Variants in BMP6 observed in about 807,000 individuals in gnomAD.
BMP6 encodes the protein VG-1-R.
Under a neutral mutation model 54.1 loss-of-function variants are expected in BMP6, and 17 were observed. The ratio of observed to expected loss-of-function variants is 0.31; its 90% CI spans 0.22 to 0.47. BMP6 has a LOEUF of 0.47. BMP6 is among the 20% of genes least tolerant of loss of function. BMP6 has a pLI of 1.00. For synonymous variants in BMP6, 328 were observed against 291.2 expected (o/e 1.13, Z -1.28); for missense variants, 720 against 690.4 (o/e 1.04, Z -0.48).
intron 1 of BMP6, among the ~76,000 whole-genome samples, chr6:7,748,828 T>C (rs1470419312): frequency 1.3e-5 from 2 of 152,254 alleles, no homozygotes; most frequent in African/African-American, 2.4e-5. Flanking sequence ...AGTCCTCTAA[T>C]GCTCTTGCAT....
chr6:7,827,938 G>A (rs1758725941), intron 1 of BMP6, among the ~76,000 whole-genome samples: 1 of 152,206 alleles, frequency 6.6e-6, no homozygotes, highest in Admixed American at 6.5e-5. Flanking sequence ...ACAGCGTTCA[G>A]GTAGGGATTA....
At chr6:7,831,729 C>T (rs1758796524) in intron 1 of BMP6, among the ~76,000 whole-genome samples, 2 of 152,222 alleles carry the variant, frequency 1.3e-5, no homozygotes, top group Admixed American at 1.3e-4. Context: ...CTGCTTAAAA[C>T]AACAAACCCA....
intron 1 of BMP6, among the ~76,000 whole-genome samples, chr6:7,768,662 G>A (rs1370248566): frequency 5.3e-5 from 8 of 152,034 alleles, no homozygotes; most frequent in African/African-American, 1.4e-4. Flanking sequence ...AAAAAAAGTC[G>A]CTCCACCCAG....
intron 1 of BMP6, among the ~76,000 whole-genome samples, chr6:7,728,953 G>C (rs1761801000): frequency 6.6e-6 from 1 of 152,208 alleles, no homozygotes; most frequent in Non-Finnish European, 1.5e-5. Context: ...AGAACATGGG[G>C]GGTAAGAGCC....
chr6:7,795,574 G>A (rs941462801), intron 1 of BMP6, among the ~76,000 whole-genome samples: 1 of 152,184 alleles, frequency 6.6e-6, no homozygotes, highest in South Asian at 2.1e-4. Flanking sequence ...GCCATTGAGG[G>A]AGTTTAATCA....
chr6:7,835,673 A>G (rs957934344), intron 1 of BMP6, among the ~76,000 whole-genome samples: 6 of 152,192 alleles, frequency 3.9e-5, no homozygotes, highest in Admixed American at 1.3e-4. Flanking sequence ...GTTATTTGAC[A>G]TTAATGGAAC....
chr6:7,746,558 C>T (rs995337679), intron 1 of BMP6, among the ~76,000 whole-genome samples: 1 of 152,070 alleles, frequency 6.6e-6, no homozygotes, highest in Non-Finnish European at 1.5e-5. Flanking sequence ...CCAAGAGGGG[C>T]AATTAGGTGA....
At chr6:7,848,266 T>C (rs187117112) in intron 2 of BMP6, among the ~76,000 whole-genome samples, 2 of 152,358 alleles carry the variant, frequency 1.3e-5, no homozygotes, top group East Asian at 3.9e-4. Context: ...TATAAGTTGC[T>C]GACTGCCCCA....
rs139444112 is a variant in BMP6 at position 7,728,642 on chromosome 6, G to A, written c.664+1023G>A. On this transcript the variant is annotated intron_variant, in intron 1 of 6. Transcript: ENST00000283147. ...GCTGACTTAGTTTAGCGCAGACATA[G>A]GATGGAGGGACGCGCTGTCAGCGGA... 3.9e-5 allele frequency among the ~76,000 whole-genome samples: 6 copies of A among 152,310 alleles called. No individual in the cohort carries two copies. The East Asian group carries it at 1.2e-3, about 29-fold the overall frequency.
intron 1 of BMP6, among the ~76,000 whole-genome samples, chr6:7,818,370 T>C (rs1419740730): frequency 1.3e-5 from 2 of 152,242 alleles, no homozygotes; most frequent in African/African-American, 4.8e-5. Context: ...TAATACTCCC[T>C]GTAGAATCAT....
intron 1 of BMP6, among the ~76,000 whole-genome samples, chr6:7,781,811 C>A (rs1398136715): frequency 6.6e-6 from 1 of 151,402 alleles, no homozygotes; most frequent in Non-Finnish European, 1.5e-5. Flanking sequence ...GTCAGAGGCC[C>A]CATGTCAGTG....
chr6:7,813,108 A>AAAAAAAAAAATATATATATAT, intron 1 of BMP6, among the ~76,000 whole-genome samples: 1 of 21,494 alleles, frequency 4.7e-5, no homozygotes, highest in African/African-American at 2.0e-4. Context: ...AAAAAAAAAA[A>AAAAAAAAAAATATATATATAT]ATATATATAT....
chr6:7,877,197 G>A (rs1391906852), intron 4 of BMP6, among the ~76,000 whole-genome samples: 1 of 152,106 alleles, frequency 6.6e-6, no homozygotes, highest in African/African-American at 2.4e-5. Context: ...AGGCAGGGTG[G>A]TTCTGTTGGG....
chr6:7,787,128 A>G (rs1353829734), intron 1 of BMP6, among the ~76,000 whole-genome samples: 1 of 152,248 alleles, frequency 6.6e-6, no homozygotes, highest in Admixed American at 6.5e-5. Context: ...TGAAGAGGGC[A>G]GTATCAGGGA....
chr6:7,774,430 A>G (rs535105685), intron 1 of BMP6, among the ~76,000 whole-genome samples: 3 of 152,290 alleles, frequency 2.0e-5, no homozygotes, highest in Admixed American at 6.5e-5. Flanking sequence ...GGCACCTGTA[A>G]TCCCAGCTAC....
chr6:7,844,304 C>G (rs1207659196), intron 1 of BMP6, among the ~76,000 whole-genome samples: 3 of 151,686 alleles, frequency 2.0e-5, no homozygotes, highest in Non-Finnish European at 4.4e-5. Context: ...TAGGTTGATT[C>G]CATATTAAAA....
intron 2 of BMP6, among the ~76,000 whole-genome samples, chr6:7,855,537 A>ATC (rs34465524): frequency 0.17 from 16,753 of 100,682 alleles, 2,097 homozygotes; most frequent in East Asian, 0.42. Context: ...CTTAATCTCA[A>ATC]TCTCTCTCTC....
intron 1 of BMP6, among the ~76,000 whole-genome samples, chr6:7,769,496 T>G (rs1044337494): frequency 6.6e-6 from 1 of 152,194 alleles, no homozygotes; most frequent in Non-Finnish European, 1.5e-5. Flanking sequence ...TCTGCACAGG[T>G]GTATTTGACC....
chr6:7,808,141 T>C (rs537545587), intron 1 of BMP6, among the ~76,000 whole-genome samples: 1,611 of 151,734 alleles, frequency 0.011, 14 homozygotes, highest in Non-Finnish European at 0.015. Flanking sequence ...AGGATGGTCT[T>C]GATTTCCTGA....
Sources: gnomAD v4.1 joint callset for allele counts (sites outside exome capture counted in the v4.1 genomes callset) on GRCh38, gnomAD v4.1.1 for gene constraint, MANE v1.5 for transcripts, NCBI Gene and HGNC (gene_info 2026-07-23, HGNC 2026-07-21) for gene names.